PPIP5K1: variants seen among roughly 807,000 people sequenced by gnomAD.
The protein encoded by PPIP5K1 is inositol hexakisphosphate and diphosphoinositol-pentakisphosphate kinase 1.
Under a neutral mutation model 27.7 loss-of-function variants are expected in PPIP5K1, and 6 were observed. The observed-to-expected ratio is 0.22, with a 90% CI of 0.12 to 0.43. The LOEUF is 0.43. Among genes scored for constraint, PPIP5K1 ranks in the 20% least tolerant of loss-of-function variants. PPIP5K1 has a pLI of 1.00. For synonymous variants in PPIP5K1, 145 were observed against 242.6 expected, an observed-to-expected ratio of 0.60 and a Z score of 3.74; for missense variants, 394 against 635.4, an observed-to-expected ratio of 0.62 and a Z score of 4.08.
At chr15:43,542,666 G>GTT (rs1353968046) in intron 30 of PPIP5K1, among the ~76,000 whole-genome samples, 25 of 137,982 alleles carry the variant, frequency 1.8e-4, no homozygotes, top group South Asian at 6.9e-4. Context: ...GTGTGTGTGT[G>GTT]TGTGTGTGTG....
chr15:43,559,054 T>A, intron 29 of PPIP5K1, 122 bp from the exon 30 acceptor site: 1 of 1,145,052 alleles, frequency 8.7e-7, no homozygotes, highest in South Asian at 1.4e-5. Flanking sequence ...GAGTGTTGGG[T>A]ATCCAAGACT....
At chr15:43,544,892 A>T (rs2081178708) in intron 30 of PPIP5K1, among the ~76,000 whole-genome samples, 1 of 152,140 alleles carries the variant, frequency 6.6e-6, no homozygotes, top group South Asian at 2.1e-4. Flanking sequence ...AAAGTGGATT[A>T]TTGGGGCCGG....
At chr15:43,540,293 G>T (rs1467793238) in intron 30 of PPIP5K1, among the ~76,000 whole-genome samples, 1 of 151,558 alleles carries the variant, frequency 6.6e-6, no homozygotes, top group Non-Finnish European at 1.5e-5. Context: ...AGCTGGGTGT[G>T]GTGGCTCATG....
intron 30 of PPIP5K1, among the ~76,000 whole-genome samples, chr15:43,548,130 G>C (rs1595768285): frequency 6.6e-6 from 1 of 150,928 alleles, no homozygotes; most frequent in African/African-American, 2.4e-5. Context: ...ATGGAGTCTT[G>C]CTCTGTCACC....
chr15:43,534,830 T>A lies in PPIP5K1; in HGVS notation c.4317A>T (p.Pro1439=). 6.2e-7 allele frequency: 1 copy of A among 1,612,172 alleles called. No individual in the cohort carries two copies. Among genetic ancestry groups the A allele is most frequent in the South Asian group, 1.1e-5 (1 of 90,900 alleles). ...CAACCTCCACAGAGAACTCCTGGTA[T>A]GGCTGGATGACCTCCTCAGGGATCT... ...AEEIPEEVIQ[P]YQEFSVEVGR... The change falls in exon 32 of 32, where the codon CCA becomes CCT. Residue 1439 remains proline (P), a synonymous_variant. Transcript: ENST00000420765.
rs2080783674 is a variant in PPIP5K1, at chr15:43,541,976, G to A, written c.3557-2393C>T. Among the ~76,000 whole-genome samples the A allele has an allele frequency of 4.6e-5, 7 of 152,118 alleles. No individual in the cohort carries two copies. In the South Asian group the frequency reaches 1.5e-3, roughly 32 times the overall value. On this transcript the variant is annotated intron_variant, in intron 30 of 31. Transcript: ENST00000420765. ...TATTGCATCATACTGGAGGCATATT[G>A]CCTCATTGTCCCATTATAAGTAAGG...
intron 30 of PPIP5K1, 146 bp downstream of exon 30, chr15:43,558,649 G>T: frequency 8.6e-7 from 1 of 1,161,208 alleles, no homozygotes; most frequent in Non-Finnish European, 1.2e-6. Context: ...GAACCACTGC[G>T]CCCAGCCAGC....
At chr15:43,543,811 A>T (rs867793184) in intron 30 of PPIP5K1, among the ~76,000 whole-genome samples, 4 of 139,758 alleles carry the variant, frequency 2.9e-5, no homozygotes, top group South Asian at 2.2e-4. Flanking sequence ...TATATATATA[A>T]AATATATATT....
At chr15:43,579,631 G>GTA (rs1377430959) in intron 10 of PPIP5K1, among the ~76,000 whole-genome samples, 1,408 of 35,648 alleles carry the variant, frequency 0.039, 112 homozygotes, top group South Asian at 0.046. Flanking sequence ...GTGTGTGTGT[G>GTA]TATATATATA....
chr15:43,558,318 C>T (rs1177350752), intron 30 of PPIP5K1, among the ~76,000 whole-genome samples: 1 of 149,452 alleles, frequency 6.7e-6, no homozygotes, highest in Non-Finnish European at 1.5e-5. Context: ...ACCTCTGCCT[C>T]CCAGGTTCAA....
intron 30 of PPIP5K1, among the ~76,000 whole-genome samples, chr15:43,551,527 A>AT (rs1448097758): frequency 2.7e-5 from 4 of 150,168 alleles, no homozygotes; most frequent in Non-Finnish European, 5.9e-5. Flanking sequence ...CAAAAAAAAA[A>AT]AAAACCCACA....
chr15:43,539,630 T>C (rs772466215), intron 30 of PPIP5K1, 47 bp from the exon 31 acceptor site: 1 of 1,235,550 alleles, frequency 8.1e-7, no homozygotes, highest in Non-Finnish European at 1.2e-6. Flanking sequence ...AAAAGACATA[T>C]GAGGAAGAAT....
intron 29 of PPIP5K1, 49 bp from the exon 30 acceptor site, chr15:43,558,981 C>A (rs376872650): frequency 2.5e-6 from 4 of 1,605,874 alleles, no homozygotes; most frequent in African/African-American, 2.7e-5. Flanking sequence ...GCCAGATATA[C>A]CCCAACTGGC....
chr15:43,534,812 C>T lies in PPIP5K1; in HGVS notation c.4335G>A (p.Val1445=), dbSNP rs963732186. Residue 1445 remains valine, a synonymous_variant, in exon 32 of 32, where the codon GTG becomes GTA. Coordinates refer to ENST00000420765, the MANE Select transcript of PPIP5K1 (RefSeq NM_001394395.1). ...EVIQPYQEFS[V]EVGRLAQETS... Reference sequence around the variant, plus strand: ...TCTCCTGGGCCAGCCTGCCAACCTCCACAGAGAACTCCTGGTATGGCTGGA... The same window carrying T: ...TCTCCTGGGCCAGCCTGCCAACCTCTACAGAGAACTCCTGGTATGGCTGGA... 1.9e-6 allele frequency: 3 copies of T among 1,608,534 alleles called. No homozygotes were observed. Among genetic ancestry groups the T allele is most frequent in the Non-Finnish European group, 1.7e-6 (2 of 1,177,000 alleles).
At chr15:43,548,001 T>C (rs1178300813) in intron 30 of PPIP5K1, among the ~76,000 whole-genome samples, 2 of 152,224 alleles carry the variant, frequency 1.3e-5, no homozygotes, top group African/African-American at 2.4e-5. Context: ...TCCATTTATA[T>C]AGGTCCTCTT....
intron 31 of PPIP5K1, among the ~76,000 whole-genome samples, chr15:43,538,435 C>A (rs1260444578): frequency 6.6e-6 from 1 of 152,238 alleles, no homozygotes; most frequent in Non-Finnish European, 1.5e-5. Context: ...AAAGCAGCAT[C>A]TCAACTTAAA....
At chr15:43,552,533 A>G (rs1335746810) in intron 30 of PPIP5K1, among the ~76,000 whole-genome samples, 1 of 149,156 alleles carries the variant, frequency 6.7e-6, no homozygotes, top group Non-Finnish European at 1.5e-5. Flanking sequence ...CTCTATAAAA[A>G]AAAAAAAAAA....
chr15:43,542,399 C>T (rs2080858198), intron 30 of PPIP5K1, among the ~76,000 whole-genome samples: 1 of 151,834 alleles, frequency 6.6e-6, no homozygotes, highest in Admixed American at 6.6e-5. Context: ...TCAAGCGATC[C>T]TCCAACCTCA....
At chr15:43,549,027 C>CA (rs1160828750) in intron 30 of PPIP5K1, among the ~76,000 whole-genome samples, 337 of 28,650 alleles carry the variant, frequency 0.012, 37 homozygotes, top group East Asian at 0.054. Context: ...GACTCCATCT[C>CA]AAAAAAAAAA....
Sources: gnomAD v4.1 joint callset for allele counts (sites outside exome capture counted in the v4.1 genomes callset) on GRCh38, gnomAD v4.1.1 for gene constraint, MANE v1.5 for transcripts, NCBI Gene and HGNC (gene_info 2026-07-23, HGNC 2026-07-21) for gene names.